ADAMTSL1: variants seen among roughly 807,000 people sequenced by gnomAD.
ADAMTSL1 encodes the protein ADAMTS like 1.
A neutral mutation model predicts 201.8 loss-of-function variants in ADAMTSL1; 126 were observed. The observed-to-expected ratio is 0.62, with a 90% CI of 0.54 to 0.72. The LOEUF (loss-of-function observed/expected upper bound fraction) is 0.72, where lower values mean the gene tolerates loss of function less well. ADAMTSL1 is among the 30% of genes least tolerant of loss of function. The pLI, the probability that ADAMTSL1 is intolerant of heterozygous loss-of-function variation, is 0.00. For missense variants in ADAMTSL1, 2,679 were observed against 2,277.8 expected, an observed-to-expected ratio of 1.18 and a Z score of -3.59; for synonymous variants, 1,121 against 903.4, an observed-to-expected ratio of 1.24 and a Z score of -4.32.
chr9:18,410,085 C>G (rs1563941836), intron 2 of ADAMTSL1, among the ~76,000 whole-genome samples: 1 of 151,612 alleles, frequency 6.6e-6, no homozygotes, highest in African/African-American at 2.4e-5. Flanking sequence ...TTACATTAAA[C>G]AAATGTTTAA....
chr9:18,880,407 C>T (rs541951966), intron 23 of ADAMTSL1, among the ~76,000 whole-genome samples: 1 of 152,294 alleles, frequency 6.6e-6, no homozygotes, highest in South Asian at 2.1e-4. Flanking sequence ...TGAAATCACT[C>T]CTTGATCCAT....
At chr9:18,081,549 A>G (rs374204669) in intron 1 of ADAMTSL1, among the ~76,000 whole-genome samples, 2 of 152,158 alleles carry the variant, frequency 1.3e-5, no homozygotes, top group South Asian at 4.1e-4. Flanking sequence ...ATACTTTAAA[A>G]TCACTCGAGC....
At chr9:18,071,541 C>A (rs550797711) in intron 1 of ADAMTSL1, among the ~76,000 whole-genome samples, 1 of 152,282 alleles carries the variant, frequency 6.6e-6, no homozygotes, top group Admixed American at 6.5e-5. Context: ...TAGACTATAA[C>A]AATGCTAGGA....
intron 3 of ADAMTSL1, among the ~76,000 whole-genome samples, chr9:18,559,436 A>G (rs1483288092): frequency 6.6e-6 from 1 of 152,178 alleles, no homozygotes; most frequent in Non-Finnish European, 1.5e-5. Context: ...GAAGTCAGGT[A>G]ATGTGATACC....
chr9:18,278,354 C>T (rs1006073990), intron 2 of ADAMTSL1, among the ~76,000 whole-genome samples: 3 of 152,090 alleles, frequency 2.0e-5, no homozygotes, highest in Admixed American at 1.3e-4. Context: ...AATGAACTTC[C>T]ACAGCTTTTG....
At chr9:18,108,837 A>G (rs1351161653) in intron 1 of ADAMTSL1, among the ~76,000 whole-genome samples, 1 of 152,048 alleles carries the variant, frequency 6.6e-6, no homozygotes, top group Non-Finnish European at 1.5e-5. Flanking sequence ...TCTTTTCAGT[A>G]TTAAAGTAAA....
intron 4 of ADAMTSL1, among the ~76,000 whole-genome samples, chr9:18,614,083 G>A (rs1368993975): frequency 2.0e-5 from 3 of 152,184 alleles, no homozygotes; most frequent in Admixed American, 6.5e-5. Context: ...GAAAGTGTTT[G>A]TTGTGTTTGA....
intron 16 of ADAMTSL1, among the ~76,000 whole-genome samples, chr9:18,764,193 T>C (rs1403736668): frequency 1.3e-5 from 2 of 152,234 alleles, no homozygotes; most frequent in Non-Finnish European, 1.5e-5. Flanking sequence ...AAACTTTTCA[T>C]TATAGGGATA....
At chr9:18,836,908 C>G (rs1366575601) in intron 23 of ADAMTSL1, among the ~76,000 whole-genome samples, 1 of 152,068 alleles carries the variant, frequency 6.6e-6, no homozygotes, top group African/African-American at 2.4e-5. Context: ...TGGCCCTCAG[C>G]TTGAAGGTTA....
chr9:18,287,774 T>G (rs1833076440), intron 2 of ADAMTSL1, among the ~76,000 whole-genome samples: 1 of 152,004 alleles, frequency 6.6e-6, no homozygotes, highest in South Asian at 2.1e-4. Context: ...GGTGCATATA[T>G]ATAGTCTTCC....
At position 18,777,813 on chromosome 9, in the gene ADAMTSL1, C is replaced by G; in HGVS notation, c.3584C>G (p.Thr1195Arg). 1 of 1,613,714 alleles carries G rather than the reference C, an allele frequency of 6.2e-7. No homozygotes were observed. The highest frequency in any genetic ancestry group is 8.5e-7 in the Non-Finnish European group (1 of 1,179,776). ...CAGACGGTGGCCCTGGCCAGCGGGA[C>G]ACTGAGTGTTCTTCTGCACTGTGAG... ...LGQTVALASG[T>R]LSVLLHCEAI... Residue 1195 changes from threonine to arginine, a missense_variant, in exon 19 of 29, where the codon ACA becomes AGA. Physicochemically the swap from Thr to Arg is moderately conservative, Grantham distance 71. Transcript: ENST00000380548.
chr9:18,772,883 C>T (rs1025029965), intron 17 of ADAMTSL1, among the ~76,000 whole-genome samples: 7 of 152,088 alleles, frequency 4.6e-5, no homozygotes, highest in African/African-American at 1.4e-4. Flanking sequence ...CCTTATCCAA[C>T]GAATGTTACT....
At chr9:17,907,424 GTGTCGGGGGCGCAGCGT>G (rs959766708) in intron 1 of ADAMTSL1, among the ~76,000 whole-genome samples, 2 of 152,210 alleles carry the variant, frequency 1.3e-5, no homozygotes, top group East Asian at 3.9e-4. Context: ...CCGCAGCCGA[GTGTCGGGGGCGCAGCGT>G]TGTAATGTGT....
chr9:18,348,985 A>C (rs748911546), intron 2 of ADAMTSL1, among the ~76,000 whole-genome samples: 6 of 152,312 alleles, frequency 3.9e-5, no homozygotes, highest in Admixed American at 1.3e-4. Flanking sequence ...CATGAAGGCA[A>C]GTACTACTAT....
At chr9:18,062,992 G>A (rs1018981078) in intron 1 of ADAMTSL1, among the ~76,000 whole-genome samples, 2 of 152,072 alleles carry the variant, frequency 1.3e-5, no homozygotes, top group Non-Finnish European at 2.9e-5. Context: ...TAAATAAACT[G>A]AAGTAATACA....
intron 2 of ADAMTSL1, among the ~76,000 whole-genome samples, chr9:18,439,596 A>T (rs535581110): frequency 1.3e-5 from 2 of 152,250 alleles, no homozygotes. Flanking sequence ...CGATCTCCTG[A>T]CCTCGTGATC....
chr9:18,754,775 A>C (rs1371363907), intron 16 of ADAMTSL1, among the ~76,000 whole-genome samples: 1 of 152,228 alleles, frequency 6.6e-6, no homozygotes, highest in African/African-American at 2.4e-5. Context: ...CTCTGGCAAC[A>C]GACATTAAAT....
intron 1 of ADAMTSL1, among the ~76,000 whole-genome samples, chr9:18,127,403 G>T (rs1825777747): frequency 6.6e-6 from 1 of 151,820 alleles, no homozygotes; most frequent in African/African-American, 2.4e-5. Flanking sequence ...GTGGATTGGA[G>T]AAAAAATTAA....
chr9:18,391,195 G>A (rs765705324), intron 2 of ADAMTSL1, among the ~76,000 whole-genome samples: 1 of 152,032 alleles, frequency 6.6e-6, no homozygotes, highest in Non-Finnish European at 1.5e-5. Flanking sequence ...ATACCTAGAC[G>A]CTGGTCATTT....
Sources: allele counts gnomAD v4.1 joint callset (sites outside exome capture counted in the v4.1 genomes callset), GRCh38; gene constraint gnomAD v4.1.1; transcripts MANE v1.5; gene names NCBI Gene and HGNC (gene_info 2026-07-23, HGNC 2026-07-21).